FGF14: variants seen among roughly 807,000 people sequenced by gnomAD.
The protein encoded by FGF14 is fibroblast growth factor homologous factor 4.
In FGF14, 5 loss-of-function variants were observed where a neutral mutation model predicts 25.5. The ratio of observed to expected loss-of-function variants is 0.20; its 90% CI spans 0.10 to 0.41. The LOEUF is 0.41. FGF14 is among the 10% of genes least tolerant of loss of function. The pLI is 1.00. For synonymous variants in FGF14, 138 were observed against 118.3 expected (o/e 1.17, Z -1.08); for missense variants, 222 against 320.1 (o/e 0.69, Z 2.34).
intron 1 of FGF14, among the ~76,000 whole-genome samples, chr13:102,206,039 T>TAAAAAA (rs2049905216): frequency 1.5e-5 from 1 of 65,440 alleles, no homozygotes; most frequent in Non-Finnish European, 3.2e-5. Context: ...AAAAAAGCAT[T>TAAAAAA]AGATTCCAGC....
chr13:102,306,698 A>G (rs1364418407), intron 1 of FGF14, among the ~76,000 whole-genome samples: 6 of 152,198 alleles, frequency 3.9e-5, no homozygotes, highest in African/African-American at 1.4e-4. Flanking sequence ...AAGAATGAAG[A>G]AAGAAATTAG....
intron 1 of FGF14, among the ~76,000 whole-genome samples, chr13:102,111,780 A>AC (rs980468280): frequency 3.9e-4 from 14 of 35,958 alleles, no homozygotes; most frequent in Non-Finnish European, 2.2e-4. Flanking sequence ...CATCAAACAA[A>AC]AAAAAAAAAA....
chr13:101,850,582 A>G (rs2043787292), intron 3 of FGF14, among the ~76,000 whole-genome samples: 1 of 120,738 alleles, frequency 8.3e-6, no homozygotes, highest in African/African-American at 3.1e-5. Context: ...AGAATTCTAG[A>G]ATTATATATT....
intron 1 of FGF14, among the ~76,000 whole-genome samples, chr13:101,883,277 G>A (rs149590441): frequency 2.5e-3 from 383 of 152,184 alleles, no homozygotes; most frequent in African/African-American, 8.6e-3. Flanking sequence ...TTTTAGAAAG[G>A]CAGTTCATAA....
intron 3 of FGF14, among the ~76,000 whole-genome samples, chr13:101,767,153 A>T (rs1475174070): frequency 1.3e-5 from 2 of 152,038 alleles, no homozygotes; most frequent in South Asian, 2.1e-4. Flanking sequence ...TTTGTTCTAA[A>T]TTTTTTTCTA....
At position 102,400,319 on chromosome 13, in the gene FGF14, G is replaced by C. The variant is rs537807869; in HGVS notation, c.208+1152C>G. ...AGAGCCCGGGCTGCCACTGCGGGACGGCCGATCTGCCCGCTCCCTCCTTCA... is the reference window on the plus strand; with the variant it reads ...AGAGCCCGGGCTGCCACTGCGGGACCGCCGATCTGCCCGCTCCCTCCTTCA... On this transcript the variant is annotated intron_variant, in intron 1 of 4. Coordinates refer to the FGF14 transcript ENST00000376131. This position sits in a 1 kb window ranked among gnomAD's most constrained non-coding sequence, Gnocchi z 4.3. Among the ~76,000 whole-genome samples, 1 of 152,276 alleles carries C rather than the reference G, an allele frequency of 6.6e-6. No homozygotes were observed. Among genetic ancestry groups the C allele is most frequent in the Admixed American group, 6.5e-5 (1 of 15,306 alleles).
At chr13:102,018,414 T>G (rs1208484035) in intron 1 of FGF14, among the ~76,000 whole-genome samples, 1 of 152,134 alleles carries the variant, frequency 6.6e-6, no homozygotes, top group African/African-American at 2.4e-5. Context: ...GCCCTTTCCT[T>G]CCTCTTCCTC....
intron 1 of FGF14, among the ~76,000 whole-genome samples, chr13:101,972,231 C>T (rs1272004864): frequency 6.6e-6 from 1 of 152,226 alleles, no homozygotes; most frequent in Non-Finnish European, 1.5e-5. Context: ...TCATTCCCAT[C>T]CTGTCTCACC....
At chr13:101,909,064 TCCTTACA>T (rs1424910978) in intron 1 of FGF14, among the ~76,000 whole-genome samples, 1 of 152,160 alleles carries the variant, frequency 6.6e-6, no homozygotes, top group Non-Finnish European at 1.5e-5. Flanking sequence ...CTGGATCCCT[TCCTTACA>T]CCTTACACAA....
intron 1 of FGF14, among the ~76,000 whole-genome samples, chr13:102,031,696 A>T (rs936798875): frequency 2.0e-5 from 3 of 151,898 alleles, no homozygotes; most frequent in Non-Finnish European, 4.4e-5. Context: ...CAATATTGGC[A>T]GTCTTCATTT....
chr13:101,749,658 T>C (rs1345680814), intron 3 of FGF14, among the ~76,000 whole-genome samples: 3 of 152,128 alleles, frequency 2.0e-5, no homozygotes, highest in African/African-American at 7.2e-5. Flanking sequence ...TATAAATCTA[T>C]ATAAAGATTT....
intron 1 of FGF14, among the ~76,000 whole-genome samples, chr13:102,291,433 G>A (rs1168934539): frequency 6.6e-6 from 1 of 152,196 alleles, no homozygotes; most frequent in Non-Finnish European, 1.5e-5. Flanking sequence ...AGGAAAAAAA[G>A]TCTAGAAGTT....
intron 1 of FGF14, among the ~76,000 whole-genome samples, chr13:102,221,458 C>T (rs1183679540): frequency 6.6e-6 from 1 of 152,048 alleles, no homozygotes; most frequent in Non-Finnish European, 1.5e-5. Flanking sequence ...GAAAGGGATC[C>T]GAAAAACAAG....
intron 1 of FGF14, among the ~76,000 whole-genome samples, chr13:101,893,805 C>T (rs2030167965): frequency 6.6e-6 from 1 of 152,116 alleles, no homozygotes; most frequent in African/African-American, 2.4e-5. Context: ...TTTTAGCCCA[C>T]AGAACTATAA....
At chr13:102,131,885 A>T (rs142531045) in intron 1 of FGF14, among the ~76,000 whole-genome samples, 2,472 of 152,352 alleles carry the variant, frequency 0.016, 31 homozygotes, top group Non-Finnish European at 0.023. Context: ...ATTCATCGAA[A>T]TAGCAGAAAT....
chr13:102,254,136 C>T (rs1040714269), intron 1 of FGF14, among the ~76,000 whole-genome samples: 16 of 152,188 alleles, frequency 1.1e-4, no homozygotes, highest in African/African-American at 3.6e-4. Flanking sequence ...GGAAAAACTG[C>T]TCATTAAGTT....
chr13:102,112,865 A>T (rs984955332), intron 1 of FGF14, among the ~76,000 whole-genome samples: 5 of 152,184 alleles, frequency 3.3e-5, no homozygotes, highest in Non-Finnish European at 5.9e-5. Flanking sequence ...CAATTTTCTC[A>T]TGGCTCTCTC....
chr13:101,773,697 A>G (rs1329601562), intron 3 of FGF14, among the ~76,000 whole-genome samples: 6 of 151,766 alleles, frequency 4.0e-5, no homozygotes, highest in Non-Finnish European at 7.4e-5. Flanking sequence ...CTAGTTGCAG[A>G]AAGACTAGCT....
intron 1 of FGF14, among the ~76,000 whole-genome samples, chr13:102,369,298 C>T (rs1279387468): frequency 6.6e-6 from 1 of 152,220 alleles, no homozygotes; most frequent in Non-Finnish European, 1.5e-5. Context: ...AGCATGCATT[C>T]TGCTGCTCTC....
Sources: allele counts gnomAD v4.1 joint callset (sites outside exome capture counted in the v4.1 genomes callset), GRCh38; gene constraint gnomAD v4.1.1; non-coding constraint Gnocchi (gnomAD v3.1); transcripts MANE v1.5; gene names NCBI Gene and HGNC (gene_info 2026-07-23, HGNC 2026-07-21).